GRAMD1B: variants seen among roughly 807,000 people sequenced by gnomAD.
GRAMD1B encodes protein Aster-B.
GRAMD1B carries 37 observed loss-of-function variants against 99.7 expected under a neutral mutation model. That is an observed-to-expected ratio of 0.37 (90% CI 0.29 to 0.49). The LOEUF is 0.49. Among genes scored for constraint, GRAMD1B ranks in the 20% least tolerant of loss-of-function variants. The pLI, the probability that GRAMD1B is intolerant of heterozygous loss-of-function variation, is 0.98. For synonymous variants in GRAMD1B, 427 were observed against 387.6 expected (o/e 1.10, Z -1.19); for missense variants, 888 against 1,009.2 (o/e 0.88, Z 1.63).
chr11:123,483,375 A>G (rs151156318), intron 2 of GRAMD1B, among the ~76,000 whole-genome samples: 1 of 143,826 alleles, frequency 7.0e-6, no homozygotes, highest in South Asian at 2.2e-4. Context: ...TCCATTTAAT[A>G]TTTTCTTTTC....
At chr11:123,604,017 T>G (rs1366361236) in intron 9 of GRAMD1B, among the ~76,000 whole-genome samples, 1 of 152,180 alleles carries the variant, frequency 6.6e-6, no homozygotes, top group African/African-American at 2.4e-5. Context: ...TTCAGATTTT[T>G]TCGGTTTTAC....
chr11:123,405,357 G>A (rs139040278), intron 1 of GRAMD1B, among the ~76,000 whole-genome samples: 18 of 152,262 alleles, frequency 1.2e-4, no homozygotes, highest in Admixed American at 4.6e-4. Flanking sequence ...TCATCTGGCT[G>A]CCACCATCCT....
chr11:123,456,541 G>A (rs1230385948), intron 1 of GRAMD1B, among the ~76,000 whole-genome samples: 5 of 152,186 alleles, frequency 3.3e-5, no homozygotes, highest in Non-Finnish European at 7.3e-5. Context: ...TTGGGAGGCT[G>A]AGGCAGGCAG....
intron 1 of GRAMD1B, among the ~76,000 whole-genome samples, chr11:123,469,956 G>A (rs58813501): frequency 0.012 from 1,900 of 152,234 alleles, 35 homozygotes; most frequent in African/African-American, 0.042. Context: ...ATATTGAAAT[G>A]TTACAACTCT....
At chr11:123,453,973 A>G (rs564330032) in intron 1 of GRAMD1B, among the ~76,000 whole-genome samples, 2 of 152,240 alleles carry the variant, frequency 1.3e-5, no homozygotes, top group Non-Finnish European at 2.9e-5. Flanking sequence ...CCCGTTGATA[A>G]TGGCCCATGC....
At chr11:123,442,874 T>C (rs910315537) in intron 1 of GRAMD1B, among the ~76,000 whole-genome samples, 8 of 149,648 alleles carry the variant, frequency 5.3e-5, no homozygotes, top group African/African-American at 2.0e-4. Flanking sequence ...CCCACCCCTT[T>C]TAGACTATAT....
intron 1 of GRAMD1B, among the ~76,000 whole-genome samples, chr11:123,365,956 T>C (rs1946306747): frequency 6.6e-6 from 1 of 152,190 alleles, no homozygotes; most frequent in South Asian, 2.1e-4. Context: ...TAAATTTCTA[T>C]AAGGCAAATA....
At chr11:123,415,190 C>G (rs1463187834) in intron 1 of GRAMD1B, among the ~76,000 whole-genome samples, 7 of 148,094 alleles carry the variant, frequency 4.7e-5, no homozygotes, top group African/African-American at 1.8e-4. Context: ...GCAACCTCCG[C>G]CAACCAGGTT....
chr11:123,468,577 T>C (rs1306403223), intron 1 of GRAMD1B, among the ~76,000 whole-genome samples: 1 of 152,038 alleles, frequency 6.6e-6, no homozygotes, highest in Non-Finnish European at 1.5e-5. Flanking sequence ...GTGGATTCCT[T>C]GAGTCCAGGA....
At chr11:123,598,564 C>T (rs1446562216) in intron 7 of GRAMD1B, 2 of 1,554,248 alleles carry the variant, frequency 1.3e-6, no homozygotes, top group African/African-American at 1.4e-5. Context: ...AAAGAGGTAT[C>T]AAGTGACTCT....
intron 17 of GRAMD1B, chr11:123,618,403 C>T (rs1275077): frequency 0.1 from 160,581 of 1,567,362 alleles, 9,350 homozygotes; most frequent in Admixed American, 0.21. Context: ...TCTTTTCCTC[C>T]CCACCGTACC....
chr11:123,566,899 A>G lies in GRAMD1B; in HGVS notation c.453-10468A>G, dbSNP rs565917046. Among the ~76,000 whole-genome samples, 6 of 152,332 alleles carry G rather than the reference A, an allele frequency of 3.9e-5. No homozygotes were observed. In the South Asian group the frequency reaches 6.2e-4, roughly 16 times the overall value. ...ACACATAGACGTGGCCCCAGCCCCC[A>G]TGGAGTGCTCAGCCTGGTGGTAAGC... On this transcript the variant is annotated intron_variant, in intron 2 of 19. Transcript: ENST00000635736.
At chr11:123,602,844 G>A (rs1300813275) in intron 8 of GRAMD1B, among the ~76,000 whole-genome samples, 3 of 152,190 alleles carry the variant, frequency 2.0e-5, no homozygotes, top group Non-Finnish European at 4.4e-5. Flanking sequence ...GAGATGACCT[G>A]TAAGGTTCCT....
intron 2 of GRAMD1B, chr11:123,560,571 C>A: frequency 1.4e-6 from 1 of 697,726 alleles, no homozygotes; most frequent in East Asian, 6.5e-5. Flanking sequence ...TCCCCGCCCC[C>A]GCCCCCCACT....
chr11:123,599,680 C>T (rs893370729), intron 7 of GRAMD1B, among the ~76,000 whole-genome samples: 4 of 152,190 alleles, frequency 2.6e-5, no homozygotes, highest in African/African-American at 9.7e-5. Flanking sequence ...GCCATGTTGG[C>T]CAGGCTGATC....
At chr11:123,578,603 G>A (rs763639783) in intron 3 of GRAMD1B, among the ~76,000 whole-genome samples, 2 of 152,074 alleles carry the variant, frequency 1.3e-5, no homozygotes, top group African/African-American at 2.4e-5. Context: ...GGAAGTCATT[G>A]AAGGCCCATT....
At chr11:123,474,288 G>C (rs998600503) in intron 1 of GRAMD1B, among the ~76,000 whole-genome samples, 1 of 151,882 alleles carries the variant, frequency 6.6e-6, no homozygotes, top group Non-Finnish European at 1.5e-5. Context: ...TGGCAATCTT[G>C]AATCCAACAG....
At chr11:123,590,582 C>T (rs891238440) in intron 4 of GRAMD1B, among the ~76,000 whole-genome samples, 1 of 152,184 alleles carries the variant, frequency 6.6e-6, no homozygotes, top group Non-Finnish European at 1.5e-5. Context: ...TTCCCACCCA[C>T]CTGCCCTGCC....
intron 1 of GRAMD1B, among the ~76,000 whole-genome samples, chr11:123,417,523 G>A (rs148263839): frequency 2.0e-5 from 3 of 152,308 alleles, no homozygotes; most frequent in Admixed American, 6.5e-5. Context: ...CCACACTGGG[G>A]GAGACCAAGC....
Sources: gnomAD v4.1 joint callset for allele counts (sites outside exome capture counted in the v4.1 genomes callset) on GRCh38, gnomAD v4.1.1 for gene constraint, MANE v1.5 for transcripts, NCBI Gene and HGNC (gene_info 2026-07-23, HGNC 2026-07-21) for gene names.